Variants in DPP6 observed in about 807,000 individuals in gnomAD.
DPP6 encodes A-type potassium channel modulatory protein DPP6.
A neutral mutation model predicts 122.6 loss-of-function variants in DPP6; 69 were observed. The ratio of observed to expected loss-of-function variants is 0.56; its 90% CI spans 0.46 to 0.69. The LOEUF is 0.69. Ranked by LOEUF, DPP6 falls within the 30% of genes least tolerant of loss-of-function variation. DPP6 has a pLI of 0.00. For missense variants in DPP6, 928 were observed against 1,116.9 expected (o/e 0.83, Z 2.41); for synonymous variants, 418 against 433.1 (o/e 0.97, Z 0.43).
chr7:154,431,787 C>G (rs563357880), intron 1 of DPP6, among the ~76,000 whole-genome samples: 1 of 152,234 alleles, frequency 6.6e-6, no homozygotes, highest in Admixed American at 6.5e-5. Context: ...CCCACCTCAG[C>G]CTCCCAAAGT....
chr7:154,667,447 G>T (rs541701016), intron 6 of DPP6, among the ~76,000 whole-genome samples: 15 of 152,212 alleles, frequency 9.9e-5, no homozygotes, highest in Non-Finnish European at 1.9e-4. Context: ...ACAAATGTTG[G>T]CTGGGCACAG....
chr7:154,809,451 G>A (rs1448048394), intron 16 of DPP6, among the ~76,000 whole-genome samples: 1 of 152,134 alleles, frequency 6.6e-6, no homozygotes, highest in Admixed American at 6.6e-5. Flanking sequence ...CCATGAGCGG[G>A]TTTCATCCTT....
rs199545021 is a variant in DPP6, at chr7:154,809,739, AGAG to A, written c.1666+2631_1666+2633del. 8.4e-3 allele frequency among the ~76,000 whole-genome samples: 1,281 copies of A among 152,316 alleles called. 13 individuals are homozygous for A. The highest frequency in any genetic ancestry group is 0.029 in the African/African-American group (1,200 of 41,554). ...TATCTTGAGACAGGGAGCAGACAGA[AGAG>A]GAGAGGAGAAAGAAAAAAAGTTTAA... On this transcript the variant is annotated intron_variant, in intron 16 of 25. Coordinates refer to ENST00000377770, the MANE Select transcript of DPP6 (RefSeq NM_130797.4).
the DPP6 span, among the ~76,000 whole-genome samples, chr7:153,870,320 T>C: frequency 3.3e-5 from 5 of 152,210 alleles, no homozygotes; most frequent in African/African-American, 1.2e-4. Flanking sequence ...TTTCACATAG[T>C]CCCATATTTC....
intron 8 of DPP6, among the ~76,000 whole-genome samples, chr7:154,744,442 A>G (rs1842947871): frequency 1.3e-5 from 2 of 152,136 alleles, no homozygotes; most frequent in Admixed American, 6.5e-5. Flanking sequence ...ATGTTCGGGG[A>G]GCCGATCCTC....
intron 7 of DPP6, among the ~76,000 whole-genome samples, chr7:154,698,526 T>TC (rs1840344070): frequency 6.6e-6 from 1 of 152,204 alleles, no homozygotes; most frequent in African/African-American, 2.4e-5. Context: ...CTATGATTTT[T>TC]TAAAAAGATC....
chr7:153,853,700 C>T, the DPP6 span, among the ~76,000 whole-genome samples: 1 of 152,150 alleles, frequency 6.6e-6, no homozygotes, highest in Non-Finnish European at 1.5e-5. Flanking sequence ...TCTCAGTGGA[C>T]ATGGCAGAAT....
chr7:153,789,932 A>G, the DPP6 span, among the ~76,000 whole-genome samples: 7 of 152,142 alleles, frequency 4.6e-5, no homozygotes, highest in African/African-American at 1.4e-4. Context: ...GGTAAAATAC[A>G]GGAGTATCTA....
At chr7:153,995,320 C>T (rs1267513052) in intron 1 of DPP6, among the ~76,000 whole-genome samples, 1 of 152,176 alleles carries the variant, frequency 6.6e-6, no homozygotes, top group African/African-American at 2.4e-5. Flanking sequence ...GGCGCGGTGG[C>T]TTATGCCTGT....
chr7:154,490,475 G>A (rs374130468), intron 3 of DPP6, among the ~76,000 whole-genome samples: 7 of 152,330 alleles, frequency 4.6e-5, no homozygotes, highest in Non-Finnish European at 7.3e-5. Flanking sequence ...GCAGTGCCCC[G>A]TGGCTGCCTG....
chr7:154,113,451 T>C (rs1245643549), intron 1 of DPP6, among the ~76,000 whole-genome samples: 1 of 151,346 alleles, frequency 6.6e-6, no homozygotes, highest in Admixed American at 6.6e-5. Flanking sequence ...CACACACACC[T>C]ACATACATAT....
intron 1 of DPP6, among the ~76,000 whole-genome samples, chr7:154,042,115 A>G (rs1195611211): frequency 2.0e-5 from 3 of 152,120 alleles, no homozygotes; most frequent in South Asian, 2.1e-4. Context: ...TCACACAACT[A>G]TGTTCAAAGA....
At chr7:154,222,992 CT>C (rs1336210441) in intron 1 of DPP6, among the ~76,000 whole-genome samples, 1 of 149,020 alleles carries the variant, frequency 6.7e-6, no homozygotes, top group Admixed American at 6.6e-5. Flanking sequence ...AATGATAATC[CT>C]TGAGATAATG....
chr7:154,330,186 C>G (rs552839450), intron 1 of DPP6, among the ~76,000 whole-genome samples: 23 of 152,340 alleles, frequency 1.5e-4, no homozygotes, highest in Non-Finnish European at 3.1e-4. Flanking sequence ...TATCCCAGAA[C>G]TTAAAGTAAA....
the DPP6 span, among the ~76,000 whole-genome samples, chr7:153,835,535 A>G: frequency 0.03 from 4,563 of 152,264 alleles, 89 homozygotes; most frequent in Middle Eastern, 0.054. Context: ...TCAAGATAGA[A>G]TTTCCATTCC....
intron 1 of DPP6, among the ~76,000 whole-genome samples, chr7:154,044,535 A>C (rs1799922971): frequency 6.6e-6 from 1 of 152,222 alleles, no homozygotes; most frequent in South Asian, 2.1e-4. Context: ...ATTTGCCTAT[A>C]AATATTAAAG....
intron 5 of DPP6, among the ~76,000 whole-genome samples, chr7:154,597,290 CAATGCCT>C (rs1833154117): frequency 6.6e-6 from 1 of 151,986 alleles, no homozygotes; most frequent in Non-Finnish European, 1.5e-5. Context: ...TCTCCTGGCT[CAATGCCT>C]AATGAGTTAG....
intron 10 of DPP6, among the ~76,000 whole-genome samples, chr7:154,780,454 T>C (rs1354385194): frequency 6.6e-6 from 1 of 152,236 alleles, no homozygotes; most frequent in Admixed American, 6.5e-5. Context: ...AGGCTTATAA[T>C]GAGCAGGAGA....
intron 2 of DPP6, among the ~76,000 whole-genome samples, chr7:154,448,364 T>C (rs975760873): frequency 1.3e-5 from 2 of 152,132 alleles, no homozygotes; most frequent in Admixed American, 6.5e-5. Flanking sequence ...TAAGAATAAA[T>C]TTAACAAAAT....
Sources: gnomAD v4.1 joint callset for allele counts (sites outside exome capture counted in the v4.1 genomes callset) on GRCh38, gnomAD v4.1.1 for gene constraint, MANE v1.5 for transcripts, NCBI Gene and HGNC (gene_info 2026-07-23, HGNC 2026-07-21) for gene names.